NEK9: variants seen among roughly 807,000 people sequenced by gnomAD.
NEK9 encodes NIMA related kinase 9.
Under a neutral mutation model 123.4 loss-of-function variants are expected in NEK9, and 75 were observed. That is an observed-to-expected ratio of 0.61 (90% confidence interval 0.50 to 0.74). NEK9 has a LOEUF of 0.74. NEK9 is among the 30% of genes least tolerant of loss of function. The pLI is 0.00. For missense variants in NEK9, 952 were observed against 1,214.4 expected, an observed-to-expected ratio of 0.78 and a Z score of 3.21; for synonymous variants, 438 against 458.7, an observed-to-expected ratio of 0.95 and a Z score of 0.58.
At chr14:75,123,995 T>C (rs2139813426) in intron 2 of NEK9, 51 bp downstream of exon 2, 5 of 1,423,608 alleles carry the variant, frequency 3.5e-6, no homozygotes, top group African/African-American at 2.8e-5. Flanking sequence ...TCAACGTAAT[T>C]ATGAGTCTAA....
rs151072111 is a variant in NEK9 at position 75,101,022 on chromosome 14, C to T, written c.1972G>A (p.Gly658Ser). 1.5e-5 allele frequency: 24 copies of T among 1,614,076 alleles called. No homozygotes were observed. The highest frequency in any genetic ancestry group is 1.9e-5 in the Non-Finnish European group (22 of 1,180,016). The change falls in exon 16 of 22, where the codon GGT becomes AGT. Residue 658 changes from glycine to serine, a missense_variant. Gly to Ser is a moderately conservative substitution (Grantham distance 56, BLOSUM62 0). This residue lies in a region of NEK9 where 698 missense variants were observed against 875.6 expected (regional missense o/e 0.80). Transcript: ENST00000238616. ...GTGGCAGCAATGGTAAACTCATCAC[C>T]GCAGGAGACCCTGATCACTTGCTTC... ...GGKQVIRVSC[G>S]DEFTIAATDD...
In NEK9 at chr14:75,123,989, C is replaced by T. The variant is rs927803617; in HGVS notation, c.397+57G>A. On this transcript the variant is annotated intron_variant, in intron 2 of 21. Transcript: ENST00000238616. The stretch of plus-strand genomic sequence containing the variant: ...TCTCTTCTTATATTCTTCTCCTCAA[C>T]GTAATTATGAGTCTAAGAAAGTCTT... 24 of 1,378,836 alleles carry T rather than the reference C, an allele frequency of 1.7e-5. No homozygotes were observed. The Admixed American group carries it at 2.1e-4, about 12-fold the overall frequency. The allele number at this position is 1,378,836 out of a possible 1,614,324, so 85.4% of individuals were successfully genotyped here.
chr14:75,105,148 G>A (rs1356474705), intron 13 of NEK9, among the ~76,000 whole-genome samples: 1 of 152,186 alleles, frequency 6.6e-6, no homozygotes, highest in Non-Finnish European at 1.5e-5. Context: ...CACAATGGAT[G>A]TGTGTAAAAC....
intron 18 of NEK9, 23 bp downstream of exon 18, chr14:75,095,349 G>A (rs764738034): frequency 9.5e-6 from 15 of 1,581,376 alleles, no homozygotes; most frequent in Non-Finnish European, 1.3e-5. Flanking sequence ...AAAACCACTG[G>A]TACCTGAAAC....
At position 75,080,036 on chromosome 14, in the gene NEK9, G is replaced by C. The variant is rs1253237691; in HGVS notation, c.*4528C>G. On this transcript the variant is annotated 3_prime_UTR_variant, in exon 22 of 22. Coordinates refer to ENST00000238616, the MANE Select transcript of NEK9 (RefSeq NM_033116.6). ...ACATGTTTAGGCCTTGGTTATATTA[G>C]AAATATCTTTCAAGGCCGAGCATGG... 6.6e-6 allele frequency: 1 copy of C among 152,144 alleles called. No homozygotes were observed. The highest frequency in any genetic ancestry group is 1.9e-4 in the East Asian group (1 of 5,200). The allele number at this position is 152,144 out of a possible 1,614,324, so 9.4% of individuals were successfully genotyped here. A position where few individuals can be genotyped will look rare whatever the true frequency, so the allele number is the denominator to read the frequency against.
intron 5 of NEK9, among the ~76,000 whole-genome samples, chr14:75,117,593 G>A (rs1490845766): frequency 6.6e-6 from 1 of 152,140 alleles, no homozygotes; most frequent in Non-Finnish European, 1.5e-5. Flanking sequence ...GTGATTCCTA[G>A]ATCACAGAGG....
intron 1 of NEK9, among the ~76,000 whole-genome samples, chr14:75,124,429 C>T (rs1028530834): frequency 2.6e-5 from 4 of 152,106 alleles, no homozygotes; most frequent in African/African-American, 7.2e-5. Context: ...AGCATTAAAA[C>T]GTTGTTGTCA....
At chr14:75,116,911 C>T (rs529815981) in intron 6 of NEK9, among the ~76,000 whole-genome samples, 3 of 152,146 alleles carry the variant, frequency 2.0e-5, no homozygotes, top group African/African-American at 7.2e-5. Flanking sequence ...CCACCACACC[C>T]GGCTGAGTTT....
chr14:75,097,430 T>C (rs1894427393), intron 16 of NEK9, among the ~76,000 whole-genome samples, 160 bp from the exon 17 acceptor site: 1 of 152,256 alleles, frequency 6.6e-6, no homozygotes. Flanking sequence ...CTCTTCCTGA[T>C]TCCACTTGGG....
chr14:75,126,694 G>C lies in NEK9; in HGVS notation c.219+9C>G. 3 of 1,404,948 alleles carry C rather than the reference G, an allele frequency of 2.1e-6. No homozygotes were observed. Among genetic ancestry groups the C allele is most frequent in the Non-Finnish European group, 2.8e-6 (3 of 1,084,234 alleles). 87.0% of individuals were successfully genotyped at this position (1,404,948 alleles called of 1,614,324 possible). Reference sequence around the variant, plus strand: ...GCCAGACAGGGCGGCCGGCGCCGAGGGCCGCTACCTCGGTGCGGCGGTACA... The same window carrying C: ...GCCAGACAGGGCGGCCGGCGCCGAGCGCCGCTACCTCGGTGCGGCGGTACA... On this transcript the variant is annotated intron_variant, in intron 1 of 21. Transcript: ENST00000238616.
intron 1 of NEK9, among the ~76,000 whole-genome samples, chr14:75,124,961 G>A (rs1325100351): frequency 6.9e-6 from 1 of 144,234 alleles, no homozygotes; most frequent in Admixed American, 7.0e-5. Flanking sequence ...TTTTTTAAGA[G>A]ATGGGGTATC....
In NEK9 at chr14:75,101,157, A is replaced by G. The variant is rs1363074632; in HGVS notation, c.1841-4T>C. Reference sequence around the variant, plus strand: ...AAGGTCAGCAGCCGGCCTCGCTCTGAGAGAGAAGCAAAAAGAAATAACAAG... The same window carrying G: ...AAGGTCAGCAGCCGGCCTCGCTCTGGGAGAGAAGCAAAAAGAAATAACAAG... On this transcript the variant is annotated splice_polypyrimidine_tract_variant and splice_region_variant and intron_variant, in intron 15 of 21. Coordinates refer to ENST00000238616, the MANE Select transcript of NEK9 (RefSeq NM_033116.6). 2 of 1,612,430 alleles carry G rather than the reference A, an allele frequency of 1.2e-6. No individual in the cohort carries two copies. The highest frequency in any genetic ancestry group is 1.7e-6 in the Non-Finnish European group (2 of 1,179,386).
At chr14:75,097,942 G>A (rs1474611799) in intron 16 of NEK9, among the ~76,000 whole-genome samples, 2 of 152,200 alleles carry the variant, frequency 1.3e-5, no homozygotes, top group Non-Finnish European at 2.9e-5. Flanking sequence ...GGGTCAGGAG[G>A]TGGCTGAGGT....
At chr14:75,123,629 T>C (rs1895416513) in intron 2 of NEK9, among the ~76,000 whole-genome samples, 1 of 152,204 alleles carries the variant, frequency 6.6e-6, no homozygotes, top group Admixed American at 6.5e-5. Context: ...CACTCAGTTA[T>C]GATCTTTGGA....
At chr14:75,126,035 C>T (rs1895512752) in intron 1 of NEK9, among the ~76,000 whole-genome samples, 1 of 151,662 alleles carries the variant, frequency 6.6e-6, no homozygotes, top group Non-Finnish European at 1.5e-5. Flanking sequence ...GATTACTTTG[C>T]TTAGGTTATC....
chr14:75,120,493 T>C lies in NEK9; in HGVS notation c.524+17A>G. 1.3e-6 allele frequency: 2 copies of C among 1,564,916 alleles called. No individual in the cohort carries two copies. Among genetic ancestry groups the C allele is most frequent in the South Asian group, 2.3e-5 (2 of 87,822 alleles). On this transcript the variant is annotated intron_variant, in intron 4 of 21. Transcript: ENST00000238616. ...TTGGTAGGGAAGAATCCATCCATAATTTTTTTTACTTCTTACCTATGAAGG... is the reference window on the plus strand; with the variant it reads ...TTGGTAGGGAAGAATCCATCCATAACTTTTTTTACTTCTTACCTATGAAGG...
intron 18 of NEK9, among the ~76,000 whole-genome samples, chr14:75,093,316 T>A (rs1347196461): frequency 6.6e-6 from 1 of 152,194 alleles, no homozygotes; most frequent in African/African-American, 2.4e-5. Context: ...TATATCACTG[T>A]ATTTGCCGTG....
intron 12 of NEK9, 55 bp from the exon 13 acceptor site, chr14:75,106,051 A>G: frequency 6.7e-7 from 1 of 1,482,276 alleles, no homozygotes; most frequent in South Asian, 1.1e-5. Flanking sequence ...TTCCCAGTGA[A>G]TAGGTTCTGT....
At chr14:75,088,684 T>G (rs774214159) in intron 19 of NEK9, 43 bp from the exon 20 acceptor site, 13 of 1,577,308 alleles carry the variant, frequency 8.2e-6, no homozygotes, top group Non-Finnish European at 1.1e-5. Context: ...TTTGCAGTAT[T>G]TGCTTCCTCC....
Sources: gnomAD v4.1 joint callset for allele counts (sites outside exome capture counted in the v4.1 genomes callset) on GRCh38, gnomAD v4.1.1 for gene constraint, gnomAD v4.1.1 regional missense constraint, MANE v1.5 for transcripts, NCBI Gene and HGNC (gene_info 2026-07-23, HGNC 2026-07-21) for gene names.